Variants in CDH2 observed in about 807,000 individuals in gnomAD.
CDH2 encodes the protein cadherin-2.
Under a neutral mutation model 92.0 loss-of-function variants are expected in CDH2, and 17 were observed. The ratio of observed to expected loss-of-function variants is 0.18; its 90% CI spans 0.13 to 0.28. The LOEUF is 0.28. Ranked by LOEUF, CDH2 falls within the 10% of genes least tolerant of loss-of-function variation. The pLI, the probability that CDH2 is intolerant of heterozygous loss-of-function variation, is 1.00. For missense variants in CDH2, 862 were observed against 1,133.1 expected, an observed-to-expected ratio of 0.76 and a Z score of 3.44; for synonymous variants, 419 against 415.9, an observed-to-expected ratio of 1.01 and a Z score of -0.09.
intron 1 of CDH2, among the ~76,000 whole-genome samples, chr18:28,152,483 G>A (rs767499727): frequency 3.3e-5 from 5 of 152,130 alleles, no homozygotes; most frequent in African/African-American, 4.8e-5. Context: ...CAGAGAGCTG[G>A]AGTAGCAAGG....
At chr18:27,995,508 G>A (rs1451630607) in intron 7 of CDH2, among the ~76,000 whole-genome samples, 1 of 152,018 alleles carries the variant, frequency 6.6e-6, no homozygotes, top group African/African-American at 2.4e-5. Context: ...TGTCAGTTTT[G>A]TTAGCTGCTA....
downstream of CDH2, among the ~76,000 whole-genome samples, chr18:27,950,569 A>G (rs1196593532): frequency 1.3e-5 from 2 of 152,270 alleles, no homozygotes; most frequent in East Asian, 3.9e-4. Flanking sequence ...TTCCAGGTTC[A>G]GTCCTATAAC....
At chr18:28,151,628 C>A (rs1195703202) in intron 1 of CDH2, among the ~76,000 whole-genome samples, 1 of 152,134 alleles carries the variant, frequency 6.6e-6, no homozygotes, top group African/African-American at 2.4e-5. Context: ...CAAAACCCAG[C>A]CCCTGAGGCT....
chr18:27,957,963 A>G (rs1449194421), intron 15 of CDH2, among the ~76,000 whole-genome samples: 1 of 152,216 alleles, frequency 6.6e-6, no homozygotes, highest in Admixed American at 6.5e-5. Context: ...CCTAAAAGGT[A>G]ATTTACCTGT....
At chr18:28,036,368 A>G (rs2013827498) in intron 2 of CDH2, 4 of 703,036 alleles carry the variant, frequency 5.7e-6, no homozygotes, top group Non-Finnish European at 1.0e-5. Flanking sequence ...TGTTTAAAAT[A>G]TAAAATGTAC....
At position 28,106,886 on chromosome 18, in the gene CDH2, T is replaced by C. The variant is rs200349281; in HGVS notation, c.172+40787A>G. The stretch of plus-strand genomic sequence containing the variant: ...CACAAATGTTTAGTGAAAATTATTA[T>C]AGATATAAGCAAGGAAAGTCAAAAT... On this transcript the variant is annotated intron_variant, in intron 2 of 15. Transcript: ENST00000269141. Among the ~76,000 whole-genome samples the C allele has an allele frequency of 2.0e-4, 31 of 152,294 alleles. No individual in the cohort carries two copies. In the East Asian group the frequency reaches 4.0e-3, roughly 20 times the overall value.
chr18:28,139,776 G>GC (rs1196195717), intron 2 of CDH2, among the ~76,000 whole-genome samples: 1 of 151,908 alleles, frequency 6.6e-6, no homozygotes, highest in Admixed American at 6.6e-5. Context: ...TATTTAAACT[G>GC]TTTTTTCTTT....
intron 2 of CDH2, among the ~76,000 whole-genome samples, chr18:28,052,761 A>C (rs1274877433): frequency 6.6e-6 from 1 of 152,186 alleles, no homozygotes; most frequent in African/African-American, 2.4e-5. Flanking sequence ...TCATTGAAAC[A>C]AGATGCCTTG....
At chr18:28,103,235 T>C (rs956405874) in intron 2 of CDH2, among the ~76,000 whole-genome samples, 1 of 141,964 alleles carries the variant, frequency 7.0e-6, no homozygotes, top group African/African-American at 2.7e-5. Context: ...AACTCCTTTA[T>C]ATATATATAA....
intron 1 of CDH2, among the ~76,000 whole-genome samples, chr18:28,154,642 T>A (rs2016180836): frequency 6.6e-6 from 1 of 152,128 alleles, no homozygotes; most frequent in Non-Finnish European, 1.5e-5. Context: ...TAAAGCCGAG[T>A]CCACTACTCT....
chr18:28,131,707 T>TGTGTGTGTGGGG (rs777344485), intron 2 of CDH2, among the ~76,000 whole-genome samples: 2 of 151,806 alleles, frequency 1.3e-5, no homozygotes, highest in African/African-American at 4.8e-5. Context: ...TGTGTGTGTG[T>TGTGTGTGTGGGG]GGCCTGAAAT....
intron 2 of CDH2, among the ~76,000 whole-genome samples, chr18:28,102,066 G>A (rs543871014): frequency 5.9e-5 from 9 of 152,140 alleles, no homozygotes; most frequent in East Asian, 1.9e-4. Flanking sequence ...TGCCCAAGTC[G>A]TATCCACTCA....
intron 2 of CDH2, among the ~76,000 whole-genome samples, chr18:28,094,362 T>C (rs2015088145): frequency 6.6e-6 from 1 of 151,716 alleles, no homozygotes; most frequent in South Asian, 2.1e-4. Flanking sequence ...GTGGTGCAAG[T>C]CTGTAGTCCC....
At chr18:28,152,889 A>T (rs1278795683) in intron 1 of CDH2, among the ~76,000 whole-genome samples, 1 of 152,164 alleles carries the variant, frequency 6.6e-6, no homozygotes, top group African/African-American at 2.4e-5. Flanking sequence ...GTCAATACCA[A>T]GATAGTTAAG....
At chr18:28,048,639 G>C (rs1056981952) in intron 2 of CDH2, among the ~76,000 whole-genome samples, 2 of 152,106 alleles carry the variant, frequency 1.3e-5, no homozygotes, top group Admixed American at 6.5e-5. Context: ...CTTTCATGAA[G>C]GTGTTTCTTT....
At chr18:27,949,748 A>G (rs796300767), downstream of CDH2, among the ~76,000 whole-genome samples, 6 of 152,032 alleles carry the variant, frequency 3.9e-5, no homozygotes, top group African/African-American at 9.6e-5. Context: ...TCCATTTTTT[A>G]TTAGTTTCCT....
intron 2 of CDH2, among the ~76,000 whole-genome samples, chr18:28,033,919 A>G (rs936586557): frequency 6.6e-6 from 1 of 152,116 alleles, no homozygotes; most frequent in Non-Finnish European, 1.5e-5. Context: ...AAAAAGGCCA[A>G]TGGTAGTCTT....
At chr18:27,985,500 T>C (rs2012200585) in intron 12 of CDH2, 28 bp downstream of exon 12, 1 of 1,435,234 alleles carries the variant, frequency 7.0e-7, no homozygotes, top group South Asian at 1.2e-5. Flanking sequence ...CAACTGCACA[T>C]ATATTCAAAT....
At position 27,999,917 on chromosome 18, in the gene CDH2, C is replaced by G. The variant is rs2012713069; in HGVS notation, c.1020+3080G>C. Among the ~76,000 whole-genome samples the G allele has an allele frequency of 2.6e-5, 4 of 151,890 alleles. No homozygotes were observed. The South Asian group carries it at 8.3e-4, about 32-fold the overall frequency. On this transcript the variant is annotated intron_variant, in intron 7 of 15. Transcript: ENST00000269141. ...TGATAATGCATGAGTCTCACAAGATCTGATGGTTTTATAAGCGTCTGGCAT... is the reference window on the plus strand; with the variant it reads ...TGATAATGCATGAGTCTCACAAGATGTGATGGTTTTATAAGCGTCTGGCAT...
Sources: allele counts gnomAD v4.1 joint callset (sites outside exome capture counted in the v4.1 genomes callset), GRCh38; gene constraint gnomAD v4.1.1; transcripts MANE v1.5; gene names NCBI Gene and HGNC (gene_info 2026-07-23, HGNC 2026-07-21).